The following KATNBL1 variants were observed in gnomAD, a reference collection of about 807,000 sequenced individuals.
KATNBL1 encodes KATNB1-like protein 1.
KATNBL1 carries 28 observed loss-of-function variants against 44.7 expected under a neutral mutation model. That is an observed-to-expected ratio of 0.63 (90% confidence interval 0.46 to 0.86). KATNBL1 has a LOEUF of 0.86. Ranked by LOEUF, KATNBL1 falls within the 40% of genes least tolerant of loss-of-function variation. KATNBL1 has a pLI of 0.00. For synonymous variants in KATNBL1, 78 were observed against 114.9 expected, an observed-to-expected ratio of 0.68 and a Z score of 2.06; for missense variants, 272 against 350.7, an observed-to-expected ratio of 0.78 and a Z score of 1.79.
rs370306689 is a variant in KATNBL1, at chr15:34,140,796, C to T, written c.*1543G>A. ...AATAACTCACCTCTCAAATCACAGA[C>T]GTGCAATAATCTGAAATTATTATAA... On this transcript the variant is annotated 3_prime_UTR_variant, in exon 10 of 10. Transcript: ENST00000256544. The T allele has an allele frequency of 4.6e-5, 7 of 152,076 alleles. No individual in the cohort carries two copies. Among genetic ancestry groups the T allele is most frequent in the Admixed American group, 3.3e-4 (5 of 15,270 alleles). 9.4% of individuals were successfully genotyped at this position (152,076 alleles called of 1,614,324 possible).
chr15:34,184,262 C>T lies in KATNBL1; in HGVS notation c.-14-20572G>A, dbSNP rs1889652162. ...CTGAGCTTGCAGTGAGCCGAGATCG[C>T]GCCACTGCAGTCCAGCCTGGACGAC... On this transcript the variant is annotated intron_variant, in intron 1 of 9. Coordinates refer to ENST00000256544, the MANE Select transcript of KATNBL1 (RefSeq NM_024713.3). Among the ~76,000 whole-genome samples, 9 of 149,922 alleles carry T rather than the reference C, an allele frequency of 6.0e-5. No homozygotes were observed. In the Admixed American group the frequency reaches 6.0e-4, roughly 10 times the overall value.
At chr15:34,171,646 T>C (rs1246757248) in intron 1 of KATNBL1, among the ~76,000 whole-genome samples, 1 of 152,166 alleles carries the variant, frequency 6.6e-6, no homozygotes, top group Admixed American at 6.5e-5. Flanking sequence ...TGTATGTTTA[T>C]TGCAGCACTA....
chr15:34,151,435 A>ATTTTTTTTTTTTTTTTTTTTTTTTT (rs1491367010), intron 4 of KATNBL1, among the ~76,000 whole-genome samples: 3 of 63,848 alleles, frequency 4.7e-5, no homozygotes, highest in Non-Finnish European at 9.6e-5. Flanking sequence ...TCCTTTGCCT[A>ATTTTTTTTTTTTTTTTTTTTTTTTT]CTTTTTTTTT....
At chr15:34,175,411 G>T (rs1889299516) in intron 1 of KATNBL1, among the ~76,000 whole-genome samples, 1 of 152,034 alleles carries the variant, frequency 6.6e-6, no homozygotes, top group Admixed American at 6.6e-5. Context: ...TTTAGATTTG[G>T]AATACTCAAC....
intron 1 of KATNBL1, among the ~76,000 whole-genome samples, chr15:34,201,841 A>G (rs1890183074): frequency 6.6e-6 from 1 of 152,106 alleles, no homozygotes; most frequent in Non-Finnish European, 1.5e-5. Context: ...AACTATTTAG[A>G]AAAAAAATAC....
At chr15:34,148,867 ACTAGCCC>A in intron 4 of KATNBL1, 117 bp from the exon 5 acceptor site, 1 of 603,804 alleles carries the variant, frequency 1.7e-6, no homozygotes, top group African/African-American at 1.9e-5. Context: ...AACTCCTTTT[ACTAGCCC>A]ACAAAAAGGA....
At chr15:34,189,243 CG>C (rs1272346352) in intron 1 of KATNBL1, among the ~76,000 whole-genome samples, 7 of 152,192 alleles carry the variant, frequency 4.6e-5, no homozygotes, top group Non-Finnish European at 8.8e-5. Context: ...AGGCTGGTCT[CG>C]AAGTCCCAAC....
At chr15:34,172,984 A>T (rs1372457496) in intron 1 of KATNBL1, among the ~76,000 whole-genome samples, 1 of 152,212 alleles carries the variant, frequency 6.6e-6, no homozygotes, top group East Asian at 1.9e-4. Context: ...TGCATCTATA[A>T]AACAAAAATG....
intron 1 of KATNBL1, among the ~76,000 whole-genome samples, chr15:34,164,099 G>T (rs997697837): frequency 1.3e-5 from 2 of 152,160 alleles, no homozygotes; most frequent in African/African-American, 4.8e-5. Context: ...TCACCATGTT[G>T]TTCAGGCTGA....
intron 1 of KATNBL1, among the ~76,000 whole-genome samples, chr15:34,177,561 T>G (rs1379035140): frequency 7.0e-6 from 1 of 143,562 alleles, no homozygotes; most frequent in Non-Finnish European, 1.5e-5. Flanking sequence ...GGAGAATCAC[T>G]TGAGCCCGCG....
intron 1 of KATNBL1, among the ~76,000 whole-genome samples, chr15:34,195,611 A>T (rs1890007676): frequency 6.6e-6 from 1 of 151,672 alleles, no homozygotes; most frequent in South Asian, 2.1e-4. Context: ...GAACTGCTTG[A>T]ACCTGGGAGG....
chr15:34,145,951 T>A (rs1285563766), intron 8 of KATNBL1: 1 of 147,650 alleles, frequency 6.8e-6, no homozygotes, highest in Admixed American at 6.8e-5. Context: ...TTGTGGCTTT[T>A]TTTTTTTTTT....
chr15:34,188,158 A>G (rs1889773584), intron 1 of KATNBL1, among the ~76,000 whole-genome samples: 1 of 148,544 alleles, frequency 6.7e-6, no homozygotes, highest in Admixed American at 6.9e-5. Context: ...AAAAAAAAAA[A>G]AAAAAAAGAA....
chr15:34,205,014 A>G (rs1890257960), intron 1 of KATNBL1, among the ~76,000 whole-genome samples: 1 of 149,612 alleles, frequency 6.7e-6, no homozygotes, highest in Non-Finnish European at 1.5e-5. Flanking sequence ...TTTTCCTTTA[A>G]GATGGAGTCT....
At chr15:34,153,309 A>G (rs781575099) in intron 3 of KATNBL1, among the ~76,000 whole-genome samples, 1 of 152,250 alleles carries the variant, frequency 6.6e-6, no homozygotes, top group Non-Finnish European at 1.5e-5. Flanking sequence ...GACAGACATA[A>G]TAACCAGAAT....
intron 1 of KATNBL1, among the ~76,000 whole-genome samples, chr15:34,190,797 C>A (rs1308838222): frequency 6.6e-6 from 1 of 152,036 alleles, no homozygotes; most frequent in Non-Finnish European, 1.5e-5. Context: ...AAAAATCAAA[C>A]CTGAACATAA....
intron 1 of KATNBL1, among the ~76,000 whole-genome samples, chr15:34,183,059 G>T (rs10152545): frequency 5.3e-5 from 8 of 152,130 alleles, no homozygotes; most frequent in Non-Finnish European, 8.8e-5. Flanking sequence ...GAAATATGGC[G>T]CCCCTTGGCC....
chr15:34,165,205 C>CAA (rs1247723929), intron 1 of KATNBL1, among the ~76,000 whole-genome samples: 1 of 152,186 alleles, frequency 6.6e-6, no homozygotes, highest in Admixed American at 6.5e-5. Flanking sequence ...GTTTGTTTGG[C>CAA]AATCTCTTAA....
chr15:34,159,238 C>T (rs1888726312), intron 2 of KATNBL1, among the ~76,000 whole-genome samples: 1 of 152,088 alleles, frequency 6.6e-6, no homozygotes, highest in Non-Finnish European at 1.5e-5. Flanking sequence ...GAATTTTTGA[C>T]AAAAAGGCTA....
Sources: gnomAD v4.1 joint callset for allele counts (sites outside exome capture counted in the v4.1 genomes callset) on GRCh38, gnomAD v4.1.1 for gene constraint, MANE v1.5 for transcripts, NCBI Gene and HGNC (gene_info 2026-07-23, HGNC 2026-07-21) for gene names.